STAG1: variants seen among roughly 807,000 people sequenced by gnomAD.
STAG1 encodes the protein cohesin subunit SA-1.
Under a neutral mutation model 170.9 loss-of-function variants are expected in STAG1, and 26 were observed. The ratio of observed to expected loss-of-function variants is 0.15; its 90% CI spans 0.11 to 0.21. The LOEUF is 0.21. STAG1 is among the 10% of genes least tolerant of loss of function. The probability of loss-of-function intolerance (pLI) is 1.00; values close to 1 mark genes in which losing one functional copy is unlikely to be tolerated. For missense variants in STAG1, 964 were observed against 1,509.5 expected, an observed-to-expected ratio of 0.64 and a Z score of 5.99; for synonymous variants, 514 against 497.7, an observed-to-expected ratio of 1.03 and a Z score of -0.44.
rs969562909 is a variant in STAG1 at position 136,485,311 on chromosome 3, G to T, written c.903-7899C>A. On this transcript the variant is annotated intron_variant, in intron 9 of 33. Coordinates refer to ENST00000383202, the MANE Select transcript of STAG1 (RefSeq NM_005862.3). ...TCTCTACTAAAAATACAAAAAATTA[G>T]CTGGGCGTGGTGGTGGGCACCTGTA... Among the ~76,000 whole-genome samples, 22 of 152,042 alleles carry T rather than the reference G, an allele frequency of 1.4e-4. 1 individual carries two copies. The highest frequency in any genetic ancestry group is 2.9e-5 in the Non-Finnish European group (2 of 68,024).
intron 13 of STAG1, among the ~76,000 whole-genome samples, chr3:136,459,471 T>G (rs1165934143): frequency 6.6e-6 from 1 of 152,126 alleles, no homozygotes. Flanking sequence ...GGAAAAAGAA[T>G]CAATGTTTCC....
At chr3:136,365,481 GA>G (rs1937040317) in intron 25 of STAG1, among the ~76,000 whole-genome samples, 1 of 152,056 alleles carries the variant, frequency 6.6e-6, no homozygotes, top group Non-Finnish European at 1.5e-5. Flanking sequence ...TTTCCAAAAG[GA>G]AAGAAGGTTA....
intron 26 of STAG1, among the ~76,000 whole-genome samples, chr3:136,362,605 C>CAAAAAAAAAAAAAAAAAAAAAAA (rs1237413699): frequency 9.4e-5 from 4 of 42,424 alleles, no homozygotes; most frequent in East Asian, 7.0e-4. Flanking sequence ...ATCATCTCTG[C>CAAAAAAAAAAAAAAAAAAAAAAA]AAAAAAAAAA....
intron 4 of STAG1, among the ~76,000 whole-genome samples, chr3:136,574,277 GA>G (rs1389725498): frequency 6.6e-6 from 1 of 151,198 alleles, no homozygotes; most frequent in Non-Finnish European, 1.5e-5. Flanking sequence ...ATATTTACAA[GA>G]GACACACTTT....
At chr3:136,592,863 G>C (rs752186124) in intron 4 of STAG1, among the ~76,000 whole-genome samples, 10 of 152,228 alleles carry the variant, frequency 6.6e-5, no homozygotes, top group Non-Finnish European at 1.0e-4. Context: ...AACCACTGTA[G>C]ACAGTCTTCT....
chr3:136,695,484 C>G (rs1223864097), intron 1 of STAG1, among the ~76,000 whole-genome samples: 1 of 151,504 alleles, frequency 6.6e-6, no homozygotes, highest in Non-Finnish European at 1.5e-5. Context: ...AAGCACATAA[C>G]CAGCTGGAGT....
chr3:136,575,484 C>G (rs1292478381), intron 4 of STAG1, among the ~76,000 whole-genome samples: 1 of 152,170 alleles, frequency 6.6e-6, no homozygotes, highest in Non-Finnish European at 1.5e-5. Flanking sequence ...CTTGGCCTAC[C>G]AAAGTGGCTT....
intron 5 of STAG1, among the ~76,000 whole-genome samples, chr3:136,548,820 G>T (rs966880768): frequency 2.6e-5 from 4 of 152,112 alleles, no homozygotes; most frequent in African/African-American, 9.7e-5. Context: ...GGTAGGAGGT[G>T]GTTGGATCAT....
intron 1 of STAG1, among the ~76,000 whole-genome samples, chr3:136,734,585 G>A (rs565588213): frequency 5.3e-5 from 8 of 152,280 alleles, no homozygotes; most frequent in African/African-American, 1.7e-4. Flanking sequence ...GTTACGTGGG[G>A]CAGCAGGGGG....
intron 4 of STAG1, among the ~76,000 whole-genome samples, chr3:136,580,828 C>T (rs899993009): frequency 3.3e-5 from 5 of 152,072 alleles, no homozygotes; most frequent in South Asian, 2.1e-4. Flanking sequence ...CCACCGCACC[C>T]GGCCTCTTGT....
Position 136,568,134 on chromosome 3 carries a change from A to C in STAG1, c.394+631T>G, listed in dbSNP as rs75739596. On this transcript the variant is annotated intron_variant, in intron 5 of 33. Transcript: ENST00000383202. ...TCAATTTGGTCAGTTATCTCAATTA[A>C]AGATTACTATTCTTCTGTATTCACA... is the stretch of plus-strand genomic sequence containing the variant. Among the ~76,000 whole-genome samples, 10 of 152,222 alleles carry C rather than the reference A, an allele frequency of 6.6e-5. No homozygotes were observed. In the East Asian group the frequency reaches 1.9e-3, roughly 29 times the overall value.
chr3:136,526,854 C>A (rs1310291872), intron 6 of STAG1, among the ~76,000 whole-genome samples: 1 of 152,142 alleles, frequency 6.6e-6, no homozygotes, highest in Non-Finnish European at 1.5e-5. Context: ...ACTCATGAAG[C>A]TTAGTTTGGC....
intron 4 of STAG1, among the ~76,000 whole-genome samples, chr3:136,577,148 G>A (rs532859846): frequency 2.0e-5 from 3 of 152,188 alleles, no homozygotes; most frequent in African/African-American, 7.2e-5. Flanking sequence ...TGTAAAGGCA[G>A]CAGGGTTAAG....
chr3:136,458,994 C>T (rs1024325484), intron 13 of STAG1, among the ~76,000 whole-genome samples: 2 of 151,970 alleles, frequency 1.3e-5, no homozygotes, highest in Non-Finnish European at 2.9e-5. Flanking sequence ...CTGAGGTGGG[C>T]AGGTCACAAG....
intron 1 of STAG1, among the ~76,000 whole-genome samples, chr3:136,643,421 T>A (rs1940876983): frequency 6.6e-6 from 1 of 152,188 alleles, no homozygotes; most frequent in South Asian, 2.1e-4. Context: ...AAGGATGGTC[T>A]TATATTTCTA....
intron 1 of STAG1, among the ~76,000 whole-genome samples, chr3:136,678,402 A>C (rs1449920001): frequency 6.6e-6 from 1 of 151,888 alleles, no homozygotes; most frequent in African/African-American, 2.4e-5. Context: ...GAAATAGGGC[A>C]ATCACCCAAG....
chr3:136,722,365 G>C (rs896832436), intron 1 of STAG1, among the ~76,000 whole-genome samples: 21 of 152,086 alleles, frequency 1.4e-4, no homozygotes, highest in African/African-American at 5.1e-4. Flanking sequence ...AAATGTTAAG[G>C]TGATGTCTAT....
chr3:136,429,784 C>T (rs2088239636), intron 16 of STAG1, among the ~76,000 whole-genome samples: 2 of 152,176 alleles, frequency 1.3e-5, no homozygotes, highest in Admixed American at 1.3e-4. Context: ...AACCCTCTTC[C>T]TCCTCCCCAG....
chr3:136,655,847 C>T (rs984357207), intron 1 of STAG1, among the ~76,000 whole-genome samples: 1 of 151,624 alleles, frequency 6.6e-6, no homozygotes, highest in Non-Finnish European at 1.5e-5. Flanking sequence ...GGTATAGCCA[C>T]AGTGTAAAAA....
Sources: allele counts gnomAD v4.1 joint callset (sites outside exome capture counted in the v4.1 genomes callset), GRCh38; gene constraint gnomAD v4.1.1; transcripts MANE v1.5; gene names NCBI Gene and HGNC (gene_info 2026-07-23, HGNC 2026-07-21).